Variants in SKAP1 observed in about 807,000 individuals in gnomAD.
SKAP1 encodes src kinase-associated phosphoprotein 1.
Under a neutral mutation model 58.5 loss-of-function variants are expected in SKAP1, and 44 were observed. The observed-to-expected ratio is 0.75, with a 90% CI of 0.59 to 0.97. SKAP1 has a LOEUF of 0.97. Among genes scored for constraint, SKAP1 ranks in the 50% least tolerant of loss-of-function variants. The pLI is 0.00. For missense variants in SKAP1, 390 were observed against 435.2 expected (o/e 0.90, Z 0.92); for synonymous variants, 127 against 149.7 (o/e 0.85, Z 1.11).
chr17:48,319,902 T>C (rs987134841), intron 4 of SKAP1, among the ~76,000 whole-genome samples: 24 of 152,064 alleles, frequency 1.6e-4, no homozygotes, highest in African/African-American at 5.6e-4. Flanking sequence ...AATAAAAATT[T>C]TGAAGGCTTG....
chr17:48,147,895 G>T (rs190473848), intron 11 of SKAP1, among the ~76,000 whole-genome samples: 1 of 151,022 alleles, frequency 6.6e-6, no homozygotes, highest in African/African-American at 2.4e-5. Context: ...GAGATTGATG[G>T]GCCTGGATAC....
At chr17:48,429,491 A>C (rs369929898) in intron 1 of SKAP1, among the ~76,000 whole-genome samples, 1 of 152,210 alleles carries the variant, frequency 6.6e-6, no homozygotes, top group African/African-American at 2.4e-5. Context: ...GAAATCCCAT[A>C]CTGAGAATGA....
chr17:48,442,978 A>G, the SKAP1 span, among the ~76,000 whole-genome samples: 2 of 152,180 alleles, frequency 1.3e-5, no homozygotes, highest in South Asian at 4.1e-4. Flanking sequence ...TGCTGCCTGC[A>G]TGGACCCTTT....
intron 2 of SKAP1, 31 bp from the exon 3 acceptor site, chr17:48,363,845 T>C (rs1328550713): frequency 1.3e-6 from 2 of 1,595,296 alleles, no homozygotes; most frequent in Non-Finnish European, 1.7e-6. Context: ...AAAAAGGGAA[T>C]AAGTCAAACT....
At chr17:48,438,101 A>G in the SKAP1 span, among the ~76,000 whole-genome samples, 2 of 152,220 alleles carry the variant, frequency 1.3e-5, no homozygotes, top group African/African-American at 2.4e-5. Context: ...GATAGAGTAT[A>G]GAATGTAGTG....
intron 3 of SKAP1, among the ~76,000 whole-genome samples, chr17:48,361,216 T>C: frequency 6.6e-6 from 1 of 151,434 alleles, no homozygotes; most frequent in African/African-American, 2.4e-5. Context: ...TTTTTTTTTT[T>C]CTTTTTGAGA....
At chr17:48,146,878 C>T (rs2063839603) in intron 11 of SKAP1, among the ~76,000 whole-genome samples, 1 of 152,176 alleles carries the variant, frequency 6.6e-6, no homozygotes, top group African/African-American at 2.4e-5. Flanking sequence ...TCCTGCCCAC[C>T]TCCACCTCCC....
chr17:48,307,006 T>C (rs2066151095), intron 4 of SKAP1, among the ~76,000 whole-genome samples: 1 of 152,242 alleles, frequency 6.6e-6, no homozygotes, highest in Admixed American at 6.5e-5. Flanking sequence ...AAGGATTATG[T>C]TGAATTCCCA....
intron 1 of SKAP1, among the ~76,000 whole-genome samples, chr17:48,406,619 G>A (rs187702722): frequency 4.9e-4 from 74 of 152,108 alleles, no homozygotes; most frequent in African/African-American, 1.6e-3. Flanking sequence ...AGGCTGGAGT[G>A]CAGTGGTGCG....
chr17:48,158,168 ACT>A (rs2064007610), intron 11 of SKAP1, among the ~76,000 whole-genome samples: 1 of 101,964 alleles, frequency 9.8e-6, no homozygotes, highest in Non-Finnish European at 1.9e-5. Flanking sequence ...CGAGAGCAAA[ACT>A]CTGTCTCAAA....
In SKAP1 at chr17:48,393,904, C is replaced by G. The variant is rs113633423; in HGVS notation, c.152+2776G>C. On this transcript the variant is annotated intron_variant, in intron 2 of 12. Transcript: ENST00000336915. ...GTTTTAGATAGGTTACCACCCCCCC[C>G]AAATTTATCAAACTCCTAAAATATT... Among the ~76,000 whole-genome samples, 18 of 141,772 alleles carry G rather than the reference C, an allele frequency of 1.3e-4. No homozygotes were observed. The South Asian group carries it at 3.8e-3, about 30-fold the overall frequency. 93.0% of individuals were successfully genotyped at this position (141,772 alleles called of 152,430 possible). A position where few individuals can be genotyped will look rare whatever the true frequency, so the allele number is the denominator to read the frequency against.
At chr17:48,362,328 A>G (rs145464156) in intron 3 of SKAP1, among the ~76,000 whole-genome samples, 2 of 152,178 alleles carry the variant, frequency 1.3e-5, no homozygotes, top group African/African-American at 4.8e-5. Flanking sequence ...TCTCTTCTCA[A>G]CCTATTCCTA....
chr17:48,244,152 T>C (rs1299280166), intron 4 of SKAP1, among the ~76,000 whole-genome samples: 4 of 152,216 alleles, frequency 2.6e-5, no homozygotes, highest in African/African-American at 9.7e-5. Context: ...GCTTTCAGTG[T>C]GGATAATGTT....
At chr17:48,300,854 C>T (rs2066047687) in intron 4 of SKAP1, among the ~76,000 whole-genome samples, 1 of 152,152 alleles carries the variant, frequency 6.6e-6, no homozygotes, top group African/African-American at 2.4e-5. Flanking sequence ...TAGTAAATGG[C>T]TTTGCCTTCT....
At chr17:48,147,370 T>C (rs185918908) in intron 11 of SKAP1, among the ~76,000 whole-genome samples, 1 of 152,356 alleles carries the variant, frequency 6.6e-6, no homozygotes, top group East Asian at 1.9e-4. Flanking sequence ...ACTTGTACTA[T>C]TCCAGGGTCA....
At chr17:48,195,853 A>G (rs1167912680) in intron 4 of SKAP1, among the ~76,000 whole-genome samples, 1 of 152,236 alleles carries the variant, frequency 6.6e-6, no homozygotes, top group Non-Finnish European at 1.5e-5. Context: ...AATCCAGGTT[A>G]TAGTGAACCC....
chr17:48,396,944 T>C (rs1443083676), intron 1 of SKAP1, 159 bp from the exon 2 acceptor site: 1 of 188,004 alleles, frequency 5.3e-6, no homozygotes, highest in African/African-American at 2.4e-5. Flanking sequence ...AAAAAAACTT[T>C]ATAGTTGTGG....
intron 4 of SKAP1, among the ~76,000 whole-genome samples, chr17:48,338,095 TTCTTTTTC>T (rs1400130527): frequency 6.6e-6 from 1 of 151,294 alleles, no homozygotes. Flanking sequence ...CTTCCTTTCT[TTCTTTTTC>T]TTTCTTTCTT....
At chr17:48,229,312 T>C (rs2065102175) in intron 4 of SKAP1, among the ~76,000 whole-genome samples, 1 of 152,144 alleles carries the variant, frequency 6.6e-6, no homozygotes, top group Non-Finnish European at 1.5e-5. Flanking sequence ...GTACTAAACC[T>C]TTTTTTGTCA....
Sources: gnomAD v4.1 joint callset for allele counts (sites outside exome capture counted in the v4.1 genomes callset) on GRCh38, gnomAD v4.1.1 for gene constraint, MANE v1.5 for transcripts, NCBI Gene and HGNC (gene_info 2026-07-23, HGNC 2026-07-21) for gene names.